The following GAPDHS variants were observed in gnomAD, a reference collection of about 807,000 sequenced individuals.
The protein encoded by GAPDHS is glyceraldehyde-3-phosphate dehydrogenase, spermatogenic.
In GAPDHS, 42 loss-of-function variants were observed where a neutral mutation model predicts 48.7. The observed-to-expected ratio is 0.86, with a 90% confidence interval of 0.67 to 1.12. GAPDHS has a LOEUF of 1.12. GAPDHS is among the 50% of genes most tolerant of loss of function. The probability of loss-of-function intolerance (pLI) is 0.00; values close to 1 mark genes in which losing one functional copy is unlikely to be tolerated. For synonymous variants in GAPDHS, 166 were observed against 219.1 expected, an observed-to-expected ratio of 0.76 and a Z score of 2.14; for missense variants, 512 against 557.7, an observed-to-expected ratio of 0.92 and a Z score of 0.82.
At chr19:35,536,529 T>A (rs2146292846) in intron 1 of GAPDHS, among the ~76,000 whole-genome samples, 1 of 151,520 alleles carries the variant, frequency 6.6e-6, no homozygotes, top group South Asian at 2.1e-4. Flanking sequence ...TAAGCCAAGA[T>A]CAGTCCACTG....
Position 35,542,343 on chromosome 19 carries a change from G to T in GAPDHS, c.474G>T (p.Trp158Cys). Residue 158 changes from tryptophan to cysteine, a missense_variant, in exon 5 of 11, where the codon TGG (tryptophan) becomes TGT (cysteine). Physicochemically the swap from Trp to Cys is radical, Grantham distance 215. Coordinates refer to ENST00000222286, the MANE Select transcript of GAPDHS (RefSeq NM_014364.5). ...GCAAAGAGCCCAAACAGATCCCCTG[G>T]AGGGCTGTCGGGAGCCCCTACGTGG... ...YQCKEPKQIP[W>C]RAVGSPYVVE... 1 of 1,612,502 alleles carries T rather than the reference G, an allele frequency of 6.2e-7. No homozygotes were observed. Among genetic ancestry groups the T allele is most frequent in the Non-Finnish European group, 8.5e-7 (1 of 1,179,438 alleles).
Position 35,543,321 on chromosome 19 carries a change from G to T in GAPDHS, c.742-19G>T. Reference sequence around the variant, plus strand: ...CTTAGGAGCATGAAGGCCTCATCTTGGTCCTTCTCTTCCCCAAGACCACAG... The same window carrying T: ...CTTAGGAGCATGAAGGCCTCATCTTTGTCCTTCTCTTCCCCAAGACCACAG... On this transcript the variant is annotated intron_variant, in intron 7 of 10. Coordinates refer to ENST00000222286, the MANE Select transcript of GAPDHS (RefSeq NM_014364.5). 1 of 1,608,372 alleles carries T rather than the reference G, an allele frequency of 6.2e-7. No individual in the cohort carries two copies. Among genetic ancestry groups the T allele is most frequent in the East Asian group, 2.2e-5 (1 of 44,858 alleles).
chr19:35,536,881 C>T lies in GAPDHS; in HGVS notation c.136C>T (p.Pro46Ser), dbSNP rs760091670. 4 of 1,613,922 alleles carry T rather than the reference C, an allele frequency of 2.5e-6. No individual in the cohort carries two copies. In the African/African-American group the frequency reaches 5.3e-5, roughly 22 times the overall value. ...VEPQPQPEPT[P>S]VREEIKPPPP... is the part of the protein sequence containing the mutation. The stretch of plus-strand genomic sequence containing the variant: ...GCCCCAGCCACAACCAGAGCCCACA[C>T]CAGTCAGGGAGGAAATAAAGCCACC... The change falls in exon 2 of 11, where the codon CCA becomes TCA. Residue 46 changes from proline to serine, a missense_variant. Coordinates refer to ENST00000222286, the MANE Select transcript of GAPDHS (RefSeq NM_014364.5).
At chr19:35,543,050 G>A in intron 7 of GAPDHS, 24 bp downstream of exon 7, 1 of 1,561,298 alleles carries the variant, frequency 6.4e-7, no homozygotes, top group South Asian at 1.1e-5. Flanking sequence ...GAGGGGCTGG[G>A]GCAGGAAGGA....
intron 7 of GAPDHS, 57 bp downstream of exon 7, chr19:35,543,083 C>G: frequency 7.4e-7 from 1 of 1,344,240 alleles, no homozygotes; most frequent in Non-Finnish European, 1.1e-6. Context: ...CCAACTTCTT[C>G]CCGGGCCTTG....
Position 35,533,467 on chromosome 19 carries a change from T to C in GAPDHS, c.-61T>C, listed in dbSNP as rs2071444547. The stretch of plus-strand genomic sequence containing the variant: ...AGCCCAGGACCCACAGCCCTGGCGC[T>C]CCGCACGCACCTCGGTAACATCACA... On this transcript the variant is annotated 5_prime_UTR_variant, in exon 1 of 11. Transcript: ENST00000222286. 6.8e-7 allele frequency: 1 copy of C among 1,468,664 alleles called. No individual in the cohort carries two copies. Among genetic ancestry groups the C allele is most frequent in the South Asian group, 1.1e-5 (1 of 88,242 alleles). The allele number at this position is 1,468,664 out of a possible 1,614,324, so 91.0% of individuals were successfully genotyped here.
intron 4 of GAPDHS, chr19:35,540,877 T>A (rs964449954): frequency 2.0e-5 from 3 of 150,226 alleles, no homozygotes; most frequent in African/African-American, 7.3e-5. Flanking sequence ...ATGCCTGTCA[T>A]CCCAGCACTT....
At position 35,542,937 on chromosome 19, in the gene GAPDHS, T is replaced by C; in HGVS notation, c.660-8T>C. On this transcript the variant is annotated splice_polypyrimidine_tract_variant and splice_region_variant and intron_variant, in intron 6 of 10. Coordinates refer to ENST00000222286, the MANE Select transcript of GAPDHS (RefSeq NM_014364.5). Reference sequence around the variant, plus strand: ...TCACAGTGTCCGTGCACACCTTGGCTGTTTCAGCAACGCGTCCTGCACCAC... The same window carrying C: ...TCACAGTGTCCGTGCACACCTTGGCCGTTTCAGCAACGCGTCCTGCACCAC... The C allele has an allele frequency of 6.2e-7, 1 of 1,611,896 alleles. No individual in the cohort carries two copies. The highest frequency in any genetic ancestry group is 8.5e-7 in the Non-Finnish European group (1 of 1,177,932).
intron 4 of GAPDHS, among the ~76,000 whole-genome samples, chr19:35,539,323 A>G (rs2071486203): frequency 6.6e-6 from 1 of 152,200 alleles, no homozygotes; most frequent in Admixed American, 6.5e-5. Context: ...CCTGAATTCC[A>G]AAGGGAGGAA....
intron 4 of GAPDHS, chr19:35,540,915 G>C (rs1253119802): frequency 6.6e-6 from 1 of 152,050 alleles, no homozygotes; most frequent in African/African-American, 2.4e-5. Context: ...GATCACCTGA[G>C]GTCAGGAGTT....
Position 35,539,904 on chromosome 19 carries a change from C to G in GAPDHS, c.449+1221C>G, listed in dbSNP as rs567111379. Among the ~76,000 whole-genome samples the G allele has an allele frequency of 3.9e-5, 6 of 152,338 alleles. No individual in the cohort carries two copies. The South Asian group carries it at 1.0e-3, about 26-fold the overall frequency. ...ATCCCTCTTCCCCACCTAGCTGCCC[C>G]CTCCGTCCACGGTCCCGACTCAGGT... On this transcript the variant is annotated intron_variant, in intron 4 of 10. Transcript: ENST00000222286.
intron 3 of GAPDHS, 50 bp from the exon 4 acceptor site, chr19:35,538,527 G>C (rs1297469950): frequency 1.5e-6 from 2 of 1,323,358 alleles, no homozygotes; most frequent in Non-Finnish European, 2.2e-6. Context: ...GACTCTCTAG[G>C]GATCCTCACC....
At chr19:35,538,823 A>G (rs2146294298) in intron 4 of GAPDHS, 140 bp downstream of exon 4, 3 of 653,982 alleles carry the variant, frequency 4.6e-6, no homozygotes, top group Non-Finnish European at 8.4e-6. Flanking sequence ...CTAGGTACTA[A>G]TTTGAAGAGG....
Position 35,543,431 on chromosome 19 carries a change from T to C in GAPDHS, c.833T>C (p.Ile278Thr). 2.5e-6 allele frequency: 4 copies of C among 1,610,668 alleles called. No homozygotes were observed. Among genetic ancestry groups the C allele is most frequent in the Non-Finnish European group, 3.4e-6 (4 of 1,179,032 alleles). Reference protein sequence around the residue: ...WRDGRGAHQNIIPASTGAAKA... With the variant: ...WRDGRGAHQNTIPASTGAAKA... ...GATGGGCGGGGTGCCCACCAGAACA[T>C]CATCCCAGCCTCCACTGGGGCTGCG... Residue 278 changes from isoleucine (I) to threonine (T), a missense_variant, in exon 8 of 11, where the codon ATC becomes ACC. Transcript: ENST00000222286.
rs1250655170 is a variant in GAPDHS, at chr19:35,538,352, G to C, written c.291G>C (p.Lys97Asn). 1 of 1,613,720 alleles carries C rather than the reference G, an allele frequency of 6.2e-7. No homozygotes were observed. The highest frequency in any genetic ancestry group is 8.5e-7 in the Non-Finnish European group (1 of 1,179,828). Residue 97 changes from lysine to asparagine, a missense_variant, in exon 3 of 11, where the codon AAG becomes AAC. Lys to Asn is a moderately conservative substitution (Grantham distance 94, BLOSUM62 0). Transcript: ENST00000222286. Reference sequence around the variant, plus strand: ...TGGTCCTGCGCGCCTGCATGGAGAAGGGTGTTAAGGTGGTGGCTGTGAATG... The same window carrying C: ...TGGTCCTGCGCGCCTGCATGGAGAACGGTGTTAAGGTGGTGGCTGTGAATG... ...GRLVLRACME[K>N]GVKVVAVNDP...
intron 4 of GAPDHS, 126 bp downstream of exon 4, chr19:35,538,809 G>A: frequency 1.5e-6 from 1 of 681,004 alleles, no homozygotes; most frequent in Non-Finnish European, 2.7e-6. Flanking sequence ...GCGTGTGCAT[G>A]CCTCTAGGTA....
In GAPDHS at chr19:35,533,477, C is replaced by T. The variant is rs374376014; in HGVS notation, c.-51C>T. 1.3e-6 allele frequency: 2 copies of T among 1,540,908 alleles called. No individual in the cohort carries two copies. Among genetic ancestry groups the T allele is most frequent in the African/African-American group, 2.7e-5 (2 of 73,468 alleles). On this transcript the variant is annotated 5_prime_UTR_variant, in exon 1 of 11. Coordinates refer to ENST00000222286, the MANE Select transcript of GAPDHS (RefSeq NM_014364.5). Reference sequence around the variant, plus strand: ...CCACAGCCCTGGCGCTCCGCACGCACCTCGGTAACATCACAGCAGGTCCAG... The same window carrying T: ...CCACAGCCCTGGCGCTCCGCACGCATCTCGGTAACATCACAGCAGGTCCAG...
intron 2 of GAPDHS, among the ~76,000 whole-genome samples, chr19:35,537,948 C>T (rs914138496): frequency 1.3e-5 from 2 of 152,094 alleles, no homozygotes; most frequent in Admixed American, 1.3e-4. Context: ...TGGTGGTACG[C>T]GCCTGTAGTC....
At chr19:35,536,747 CA>C in intron 1 of GAPDHS, 65 bp from the exon 2 acceptor site, 1 of 1,367,790 alleles carries the variant, frequency 7.3e-7, no homozygotes, top group Non-Finnish European at 1.0e-6. Context: ...TTCTGGGCAG[CA>C]AAGACAGTTT....
Sources: gnomAD v4.1 joint callset for allele counts (sites outside exome capture counted in the v4.1 genomes callset) on GRCh38, gnomAD v4.1.1 for gene constraint, MANE v1.5 for transcripts, NCBI Gene and HGNC (gene_info 2026-07-23, HGNC 2026-07-21) for gene names.